The following ARSF variants were observed in gnomAD, a reference collection of about 807,000 sequenced individuals.
The protein encoded by ARSF is arylsulfatase F.
In ARSF, 33 loss-of-function variants were observed where a neutral mutation model predicts 35.4. The observed-to-expected ratio is 0.93, with a 90% CI of 0.71 to 1.25. The LOEUF (loss-of-function observed/expected upper bound fraction) is 1.25. Ranked by LOEUF, ARSF falls within the 50% of genes most tolerant of loss-of-function variation. ARSF has a pLI of 0.00. For synonymous variants in ARSF, 222 were observed against 193.1 expected, an observed-to-expected ratio of 1.15 and a Z score of -1.24; for missense variants, 501 against 480.2, an observed-to-expected ratio of 1.04 and a Z score of -0.40.
intron 8 of ARSF, 125 bp downstream of exon 8, chrX:3,101,346 C>A: frequency 1.2e-6 from 1 of 835,501 alleles, no homozygotes; most frequent in Non-Finnish European, 1.7e-6. Context: ...TAATTTGACT[C>A]TTAGTAAAAT....
chrX:3,077,789 T>TTTATTATTA (rs760984034), intron 4 of ARSF, among the ~76,000 whole-genome samples: 4,206 of 92,161 alleles, frequency 0.046, 81 homozygotes, highest in Middle Eastern at 0.065. Flanking sequence ...TTTTATTTTA[T>TTTATTATTA]TTATTATTAT....
At chrX:3,104,297 A>C (rs2090399030) in intron 9 of ARSF, among the ~76,000 whole-genome samples, 1 of 110,688 alleles carries the variant, frequency 9.0e-6, no homozygotes, top group Admixed American at 9.7e-5. Flanking sequence ...TAGCTCCCAC[A>C]CTGAGTGAGA....
At chrX:3,102,740 C>T (rs1024860580) in intron 8 of ARSF, among the ~76,000 whole-genome samples, 6 of 110,856 alleles carry the variant, frequency 5.4e-5, no homozygotes, top group Non-Finnish European at 9.4e-5. Context: ...GGTGAAACTC[C>T]ATCTCTACTA....
chrX:3,078,984 T>C, intron 4 of ARSF, among the ~76,000 whole-genome samples: 1 of 110,553 alleles, frequency 9.0e-6, no homozygotes, highest in Non-Finnish European at 1.9e-5. Context: ...CCACTTTCCG[T>C]CTCTACAAAC....
rs193060517 is a variant in ARSF at position 3,081,145 on chromosome X, T to C, written c.406+132T>C. On this transcript the variant is annotated intron_variant, in intron 5 of 10. Transcript: ENST00000381127. ...ATGTAAAGGCGCAGTGGCCCATGCC[T>C]ACAATCCCAGTACTTTGGGAGGCCA... 11 of 907,154 alleles carry C rather than the reference T, an allele frequency of 1.2e-5. No individual in the cohort carries two copies. In the South Asian group the frequency reaches 3.2e-4, roughly 26 times the overall value. The allele number at this position is 907,154 out of a possible 1,213,427, so 74.8% of individuals were successfully genotyped here.
In ARSF at chrX:3,101,133, C is replaced by T. The variant is rs761786658; in HGVS notation, c.1014C>T (p.Thr338=). ...ATGATTTTGGCCTAAGGAACAACAC[C>T]CTTGTCTACTTTACATCAGATCACG... ...AIDDFGLRNN[T]LVYFTSDHGG... is the part of the protein sequence containing the mutation. Residue 338 remains threonine, a synonymous_variant, in exon 8 of 11, where the codon ACC becomes ACT. Coordinates refer to ENST00000381127, the MANE Select transcript of ARSF (RefSeq NM_001201539.2). 8.3e-7 allele frequency: 1 copy of T among 1,210,456 alleles called. No individual in the cohort carries two copies. The highest frequency in any genetic ancestry group is 3.0e-5 in the East Asian group (1 of 33,770).
Position 3,068,124 on chromosome X carries a change from A to T in ARSF, c.11+13A>T. ...CAATGAGGCCCAGGTAGGTAAAGCC[A>T]TATACTGCATTGTGAGCACATTGAA... On this transcript the variant is annotated intron_variant, in intron 2 of 10. Transcript: ENST00000381127. 1 of 1,197,337 alleles carries T rather than the reference A, an allele frequency of 8.4e-7. No individual in the cohort carries two copies. Among genetic ancestry groups the T allele is most frequent in the South Asian group, 1.8e-5 (1 of 54,394 alleles).
At chrX:3,058,771 G>C (rs952973660) in intron 1 of ARSF, 1 of 198,545 alleles carries the variant, frequency 5.0e-6, no homozygotes, top group African/African-American at 3.0e-5. Flanking sequence ...TGAGACTGGA[G>C]GATCTTTCGA....
At chrX:3,060,670 C>G (rs2090038171) in intron 1 of ARSF, among the ~76,000 whole-genome samples, 1 of 111,523 alleles carries the variant, frequency 9.0e-6, no homozygotes, top group Admixed American at 9.6e-5. Flanking sequence ...GATGCATGCC[C>G]AAGCTTCAAT....
intron 4 of ARSF, among the ~76,000 whole-genome samples, chrX:3,079,430 C>T (rs1475984562): frequency 1.9e-5 from 2 of 104,796 alleles, no homozygotes; most frequent in African/African-American, 3.5e-5. Context: ...ACTGCAACCT[C>T]TGCCCCTGGG....
At chrX:3,063,670 C>G (rs2090051588) in intron 1 of ARSF, among the ~76,000 whole-genome samples, 1 of 111,548 alleles carries the variant, frequency 9.0e-6, no homozygotes, top group Non-Finnish European at 1.9e-5. Flanking sequence ...AACAGACAAA[C>G]AGACAGCCAA....
At chrX:3,060,583 A>T (rs912002617) in intron 1 of ARSF, among the ~76,000 whole-genome samples, 1 of 111,604 alleles carries the variant, frequency 9.0e-6, no homozygotes, top group African/African-American at 3.3e-5. Flanking sequence ...TTAGACGAAC[A>T]GCTAACTAGA....
At chrX:3,070,591 T>G (rs2090096139) in intron 2 of ARSF, among the ~76,000 whole-genome samples, 1 of 110,678 alleles carries the variant, frequency 9.0e-6, no homozygotes, top group African/African-American at 3.3e-5. Context: ...TTAAAAAAAA[T>G]TCAATAGTTT....
chrX:3,091,848 T>A (rs1444779400), intron 7 of ARSF, among the ~76,000 whole-genome samples: 2 of 109,687 alleles, frequency 1.8e-5, no homozygotes, highest in African/African-American at 3.3e-5. Flanking sequence ...GATAGGTAGA[T>A]AGATAGATGA....
intron 1 of ARSF, among the ~76,000 whole-genome samples, chrX:3,062,873 G>A: frequency 9.0e-6 from 1 of 111,611 alleles, no homozygotes; most frequent in East Asian, 2.8e-4. Context: ...TCTACCAGAG[G>A]TACAAAGAGG....
rs2090189153 is a variant in ARSF at position 3,080,200 on chromosome X, G to A, written c.284-691G>A. Among the ~76,000 whole-genome samples the A allele has an allele frequency of 4.5e-5, 4 of 88,832 alleles. No homozygotes were observed. The South Asian group carries it at 2.3e-3, about 51-fold the overall frequency. 77.1% of individuals were successfully genotyped at this position (88,832 alleles called of 115,157 possible). A position where few individuals can be genotyped will look rare whatever the true frequency, so the allele number is the denominator to read the frequency against. On this transcript the variant is annotated intron_variant, in intron 4 of 10. Coordinates refer to ENST00000381127, the MANE Select transcript of ARSF (RefSeq NM_001201539.2). ...GAAAGAAAAGGTCTTTTTTGGCTGA[G>A]TGCAGTGGCTCATGCCTGTAATCCC...
At chrX:3,101,891 A>G (rs2090378846) in intron 8 of ARSF, among the ~76,000 whole-genome samples, 1 of 112,235 alleles carries the variant, frequency 8.9e-6, no homozygotes, top group African/African-American at 3.2e-5. Context: ...ATATTTTATC[A>G]TATGTCTTGA....
intron 1 of ARSF, among the ~76,000 whole-genome samples, chrX:3,044,885 G>A (rs1004358317): frequency 4.5e-5 from 5 of 110,095 alleles, no homozygotes; most frequent in Non-Finnish European, 9.4e-5. Flanking sequence ...CACTAGGGCC[G>A]AGCTTCCAGA....
chrX:3,089,576 G>A lies in ARSF; in HGVS notation c.911G>A (p.Gly304Asp), dbSNP rs755213524. The A allele has an allele frequency of 8.3e-7, 1 of 1,211,211 alleles. No individual in the cohort carries two copies. The highest frequency in any genetic ancestry group is 1.1e-6 in the Non-Finnish European group (1 of 895,194). ...CTCCCCACCACGGACGATTTCACTG[G>A]CACCAGCAAGCATGGCTTGTATGGG... ...TPLPTTDDFT[G>D]TSKHGLYGDN... Residue 304 changes from glycine (G) to aspartate (D), a missense_variant, in exon 7 of 11, where the codon GGC becomes GAC. Physicochemically the swap from Gly to Asp is moderately conservative, Grantham distance 94. Coordinates refer to ENST00000381127, the MANE Select transcript of ARSF (RefSeq NM_001201539.2).
Sources: allele counts gnomAD v4.1 joint callset (sites outside exome capture counted in the v4.1 genomes callset), GRCh38; gene constraint gnomAD v4.1.1; transcripts MANE v1.5; gene names NCBI Gene and HGNC (gene_info 2026-07-23, HGNC 2026-07-21).